Variants in RNF152 observed in about 807,000 individuals in gnomAD.
RNF152 encodes the protein E3 ubiquitin-protein ligase RNF152.
A neutral mutation model predicts 12.7 loss-of-function variants in RNF152; 11 were observed. The observed-to-expected ratio is 0.86, with a 90% CI of 0.54 to 1.43. RNF152 has a LOEUF of 1.43. Among genes scored for constraint, RNF152 ranks in the 40% most tolerant of loss-of-function variants. The pLI is 0.00. For synonymous variants in RNF152, 113 were observed against 120.3 expected (o/e 0.94, Z 0.40); for missense variants, 255 against 274.8 (o/e 0.93, Z 0.51).
intron 1 of RNF152, among the ~76,000 whole-genome samples, chr18:61,847,652 A>G (rs1466248885): frequency 6.6e-6 from 1 of 152,206 alleles, no homozygotes; most frequent in Non-Finnish European, 1.5e-5. Context: ...AAACTACTAA[A>G]CACTGACAAC....
At chr18:61,878,693 G>C (rs1247443184) in intron 1 of RNF152, among the ~76,000 whole-genome samples, 1 of 152,186 alleles carries the variant, frequency 6.6e-6, no homozygotes, top group African/African-American at 2.4e-5. Context: ...AGAGGCCTCT[G>C]TTTCCAAGAT....
intron 1 of RNF152, among the ~76,000 whole-genome samples, chr18:61,840,138 C>T (rs1910385913): frequency 6.6e-6 from 1 of 152,166 alleles, no homozygotes; most frequent in Admixed American, 6.5e-5. Context: ...TTGCTCTTTC[C>T]CTCATGTGAG....
intron 1 of RNF152, among the ~76,000 whole-genome samples, chr18:61,849,682 T>C (rs1910886511): frequency 6.6e-6 from 1 of 152,228 alleles, no homozygotes; most frequent in East Asian, 1.9e-4. Context: ...AGCATGTAAT[T>C]GTATGGACTG....
At position 61,814,974 on chromosome 18, in the gene RNF152, A is replaced by G. The variant is rs1053217491; in HGVS notation, c.*878T>C. 1 of 152,544 alleles carries G rather than the reference A, an allele frequency of 6.6e-6. No individual in the cohort carries two copies. The highest frequency in any genetic ancestry group is 1.9e-4 in the East Asian group (1 of 5,200). 9.4% of individuals were successfully genotyped at this position (152,544 alleles called of 1,614,324 possible). A position where few individuals can be genotyped will look rare whatever the true frequency, so the allele number is the denominator to read the frequency against. ...CAGAGACTTGACTCATTCATGCCCA[A>G]TGAAGTCTTCATCCCAGGATTCTTC... On this transcript the variant is annotated 3_prime_UTR_variant, in exon 2 of 2. Coordinates refer to ENST00000312828, the MANE Select transcript of RNF152 (RefSeq NM_173557.3).
intron 1 of RNF152, among the ~76,000 whole-genome samples, chr18:61,828,811 A>T (rs886132742): frequency 6.6e-6 from 1 of 152,186 alleles, no homozygotes; most frequent in African/African-American, 2.4e-5. Context: ...GAATCTGAAG[A>T]GAAAAAGATA....
intron 1 of RNF152, chr18:61,888,072 T>G (rs1426793023): frequency 6.6e-6 from 1 of 152,216 alleles, no homozygotes; most frequent in African/African-American, 2.4e-5. Flanking sequence ...GCAGGATGTT[T>G]GCAATGAGTT....
At chr18:61,885,818 G>A (rs9952990) in intron 1 of RNF152, among the ~76,000 whole-genome samples, 77,162 of 151,588 alleles carry the variant, frequency 0.51, 19,651 homozygotes, top group East Asian at 0.75. Context: ...AATTATAAAC[G>A]CAGGTGGGGC....
chr18:61,869,751 A>ACACG (rs1911898927), intron 1 of RNF152, among the ~76,000 whole-genome samples: 1 of 152,202 alleles, frequency 6.6e-6, no homozygotes, highest in South Asian at 2.1e-4. Flanking sequence ...GGGCACACAC[A>ACACG]CACGCACGCA....
chr18:61,813,043 A>T lies in RNF152; in HGVS notation c.*2809T>A, dbSNP rs1019659201. 2.6e-5 allele frequency: 4 copies of T among 152,090 alleles called. No homozygotes were observed. Among genetic ancestry groups the T allele is most frequent in the Non-Finnish European group, 5.9e-5 (4 of 68,036 alleles). The allele number at this position is 152,090 out of a possible 1,614,324, so 9.4% of individuals were successfully genotyped here. Reference sequence around the variant, plus strand: ...CTCATCTACAAAATGAAGCCACCGGAGGCTGCTTTCAGCTCTTTCTGTGCT... The same window carrying T: ...CTCATCTACAAAATGAAGCCACCGGTGGCTGCTTTCAGCTCTTTCTGTGCT... On this transcript the variant is annotated 3_prime_UTR_variant, in exon 2 of 2. Transcript: ENST00000312828.
Position 61,810,670 on chromosome 18 carries a change from T to G in RNF152, c.*5182A>C, listed in dbSNP as rs1568253846. On this transcript the variant is annotated 3_prime_UTR_variant, in exon 2 of 2. Coordinates refer to ENST00000312828, the MANE Select transcript of RNF152 (RefSeq NM_173557.3). ...TCTCATAAATAAATAAATAAATAAA[T>G]AAGTGTCTCATGTTGAACAAAATCC... 2 of 152,102 alleles carry G rather than the reference T, an allele frequency of 1.3e-5. No individual in the cohort carries two copies. Among genetic ancestry groups the G allele is most frequent in the South Asian group, 4.2e-4 (2 of 4,812 alleles). The allele number at this position is 152,102 out of a possible 1,614,324, so 9.4% of individuals were successfully genotyped here.
intron 1 of RNF152, among the ~76,000 whole-genome samples, chr18:61,826,533 A>T (rs1271956163): frequency 1.3e-5 from 2 of 151,972 alleles, no homozygotes; most frequent in Non-Finnish European, 2.9e-5. Flanking sequence ...CCTTACATTC[A>T]TCTGGGCACA....
At chr18:61,846,766 C>T (rs749161389) in intron 1 of RNF152, among the ~76,000 whole-genome samples, 19 of 152,130 alleles carry the variant, frequency 1.2e-4, no homozygotes, top group Non-Finnish European at 2.4e-4. Flanking sequence ...TACTGCTCTC[C>T]TCACCTTCAT....
intron 1 of RNF152, among the ~76,000 whole-genome samples, chr18:61,861,908 T>A (rs1457185768): frequency 6.6e-6 from 1 of 152,040 alleles, no homozygotes; most frequent in African/African-American, 2.4e-5. Context: ...AAACATCTCC[T>A]ATTAGGCCCC....
intron 1 of RNF152, among the ~76,000 whole-genome samples, chr18:61,863,695 T>C (rs1415529950): frequency 1.3e-5 from 2 of 152,140 alleles, no homozygotes; most frequent in Non-Finnish European, 2.9e-5. Context: ...CTGTACAAAG[T>C]GCGTTTTCCT....
intron 1 of RNF152, among the ~76,000 whole-genome samples, chr18:61,886,336 T>C (rs1053526885): frequency 1.3e-5 from 2 of 152,218 alleles, no homozygotes; most frequent in South Asian, 2.1e-4. Context: ...GCCCTTCCTG[T>C]GTACAAACAC....
At chr18:61,836,926 G>A (rs140076634) in intron 1 of RNF152, among the ~76,000 whole-genome samples, 181 of 152,298 alleles carry the variant, frequency 1.2e-3, no homozygotes, top group African/African-American at 4.2e-3. Flanking sequence ...TACAGGCTTT[G>A]ACAGACAGGA....
intron 1 of RNF152, among the ~76,000 whole-genome samples, chr18:61,859,015 T>C (rs1221743717): frequency 6.6e-6 from 1 of 151,964 alleles, no homozygotes; most frequent in Non-Finnish European, 1.5e-5. Flanking sequence ...TACAGGAGGG[T>C]GAAGGAGGCC....
intron 1 of RNF152, among the ~76,000 whole-genome samples, chr18:61,818,513 A>G (rs772152350): frequency 3.3e-5 from 5 of 152,266 alleles, no homozygotes; most frequent in Admixed American, 6.5e-5. Context: ...GTAACAATGA[A>G]AAGATCAACA....
intron 1 of RNF152, among the ~76,000 whole-genome samples, chr18:61,859,124 T>C (rs990142534): frequency 2.6e-5 from 4 of 152,284 alleles, no homozygotes; most frequent in Admixed American, 2.6e-4. Flanking sequence ...ACCATTCAGA[T>C]GCCACTATGC....
Sources: allele counts gnomAD v4.1 joint callset (sites outside exome capture counted in the v4.1 genomes callset), GRCh38; gene constraint gnomAD v4.1.1; transcripts MANE v1.5; gene names NCBI Gene and HGNC (gene_info 2026-07-23, HGNC 2026-07-21).